ITPR2: variants seen among roughly 807,000 people sequenced by gnomAD.
ITPR2 encodes the protein inositol 1,4,5-trisphosphate receptor type 2.
In ITPR2, 207 loss-of-function variants were observed where a neutral mutation model predicts 317.1. The ratio of observed to expected loss-of-function variants is 0.65; its 90% CI spans 0.58 to 0.73. ITPR2 has a LOEUF of 0.73. Ranked by LOEUF, ITPR2 falls within the 30% of genes least tolerant of loss-of-function variation. ITPR2 has a pLI of 0.00. For synonymous variants in ITPR2, 1,156 were observed against 1,149.1 expected, an observed-to-expected ratio of 1.01 and a Z score of -0.12; for missense variants, 2,613 against 3,284.0, an observed-to-expected ratio of 0.80 and a Z score of 4.99.
At chr12:26,447,028 G>C (rs1264098994) in intron 45 of ITPR2, among the ~76,000 whole-genome samples, 1 of 151,720 alleles carries the variant, frequency 6.6e-6, no homozygotes, top group Non-Finnish European at 1.5e-5. Flanking sequence ...TTCTCATATT[G>C]TATCTGAGTA....
At chr12:26,827,251 C>A (rs1479712292) in intron 1 of ITPR2, among the ~76,000 whole-genome samples, 8 of 151,964 alleles carry the variant, frequency 5.3e-5, no homozygotes, top group Admixed American at 5.2e-4. Flanking sequence ...ACAAAGCAGG[C>A]CCCTTTGCAC....
chr12:26,387,691 A>T, intron 54 of ITPR2, 97 bp from the exon 55 acceptor site: 2 of 1,199,056 alleles, frequency 1.7e-6, no homozygotes, highest in South Asian at 1.6e-5. Flanking sequence ...TGTGAAAAAA[A>T]TGCTTTCAGT....
chr12:26,602,461 T>C lies in ITPR2; in HGVS notation c.3587A>G (p.Asn1196Ser). 1 of 1,613,740 alleles carries C rather than the reference T, an allele frequency of 6.2e-7. No homozygotes were observed. Among genetic ancestry groups the C allele is most frequent in the Non-Finnish European group, 8.5e-7 (1 of 1,179,720 alleles). ...TTGATGTTGATTCCGACACTTTTTA[T>C]TCTGCACACAGAGTTTACTTAGCCT... ...LIRLSKLCVQNKKCRNQHQRL... is the reference protein window; with the variant it reads ...LIRLSKLCVQSKKCRNQHQRL... Residue 1196 changes from asparagine to serine, a missense_variant, in exon 28 of 57, where the codon AAT becomes AGT. By Grantham distance (46) the Asn-to-Ser change is conservative. Transcript: ENST00000381340.
At chr12:26,626,710 A>T (rs552738504) in intron 23 of ITPR2, among the ~76,000 whole-genome samples, 1 of 152,380 alleles carries the variant, frequency 6.6e-6, no homozygotes, top group South Asian at 2.1e-4. Flanking sequence ...GGGACTAATG[A>T]TTCAGACAGC....
chr12:26,392,359 G>A (rs893826748), intron 54 of ITPR2, among the ~76,000 whole-genome samples: 8 of 151,882 alleles, frequency 5.3e-5, no homozygotes, highest in South Asian at 4.2e-4. Context: ...CTCATCATTC[G>A]CCAAATACAC....
chr12:26,458,726 T>C (rs1941946462), intron 45 of ITPR2, among the ~76,000 whole-genome samples: 1 of 152,208 alleles, frequency 6.6e-6, no homozygotes, highest in Non-Finnish European at 1.5e-5. Context: ...CATGAGTTTG[T>C]TTATTCCTTT....
intron 54 of ITPR2, 138 bp downstream of exon 54, chr12:26,398,738 A>C: frequency 1.5e-6 from 1 of 658,518 alleles, no homozygotes; most frequent in Non-Finnish European, 2.5e-6. Flanking sequence ...TCTAATGCTC[A>C]GTTACATAAT....
intron 47 of ITPR2, among the ~76,000 whole-genome samples, chr12:26,437,749 A>G (rs1941389150): frequency 6.6e-6 from 1 of 152,288 alleles, no homozygotes; most frequent in East Asian, 1.9e-4. Context: ...CTAGTTCAGT[A>G]TTCAATTTAT....
intron 5 of ITPR2, among the ~76,000 whole-genome samples, chr12:26,716,667 G>A (rs1948745226): frequency 6.6e-6 from 1 of 152,094 alleles, no homozygotes; most frequent in East Asian, 1.9e-4. Flanking sequence ...TTATACACTT[G>A]TATTATCTTT....
chr12:26,767,664 A>G lies in ITPR2; in HGVS notation c.163+22493T>C, dbSNP rs139692879. ...TATTTTAGATAACCAGAAACGTATT[A>G]TATACACAGTTTCACATGAAGTCTC... is the stretch of plus-strand genomic sequence containing the variant. On this transcript the variant is annotated intron_variant, in intron 2 of 56. Coordinates refer to ENST00000381340, the MANE Select transcript of ITPR2 (RefSeq NM_002223.4). Among the ~76,000 whole-genome samples, 71 of 152,366 alleles carry G rather than the reference A, an allele frequency of 4.7e-4. 1 individual carries two copies. The East Asian group carries it at 9.6e-3, about 21-fold the overall frequency.
At chr12:26,671,830 G>C (rs1338985222) in intron 13 of ITPR2, among the ~76,000 whole-genome samples, 1 of 152,124 alleles carries the variant, frequency 6.6e-6, no homozygotes, top group East Asian at 1.9e-4. Flanking sequence ...ACACACATAG[G>C]CTCAAAATAA....
At chr12:26,371,729 C>G (rs148213986) in intron 55 of ITPR2, among the ~76,000 whole-genome samples, 1 of 152,110 alleles carries the variant, frequency 6.6e-6, no homozygotes, top group Non-Finnish European at 1.5e-5. Flanking sequence ...GGGAACCGAG[C>G]CCTCTTGGTT....
chr12:26,526,208 T>C lies in ITPR2; in HGVS notation c.5073+24039A>G, dbSNP rs138182878. ...AATGTACATTTTCTGAAATTTGCTA[T>C]GAAAAAAATGAATAAATGTTGTAAT... On this transcript the variant is annotated intron_variant, in intron 37 of 56. Transcript: ENST00000381340. Among the ~76,000 whole-genome samples the C allele has an allele frequency of 7.4e-3, 1,132 of 152,254 alleles. 17 individuals carry two copies. The highest frequency in any genetic ancestry group is 0.026 in the African/African-American group (1,084 of 41,542).
rs542171973 is a variant in ITPR2 at position 26,496,240 on chromosome 12, T to A, written c.5074-980A>T. ...AAGAGCTTAAGTAATTGGCTGCAGATCATGCAGTTAACAGGTGATTGAGCA... is the reference window on the plus strand; with the variant it reads ...AAGAGCTTAAGTAATTGGCTGCAGAACATGCAGTTAACAGGTGATTGAGCA... On this transcript the variant is annotated intron_variant, in intron 37 of 56. Transcript: ENST00000381340. Among the ~76,000 whole-genome samples, 59 of 152,324 alleles carry A rather than the reference T, an allele frequency of 3.9e-4. 1 individual carries two copies. Among genetic ancestry groups the A allele is most frequent in the South Asian group, 1.7e-3 (8 of 4,820 alleles).
intron 21 of ITPR2, among the ~76,000 whole-genome samples, chr12:26,641,887 T>C (rs1401571735): frequency 6.6e-6 from 1 of 152,022 alleles, no homozygotes; most frequent in Non-Finnish European, 1.5e-5. Flanking sequence ...TAAAAGAAAG[T>C]CCAATAGTCA....
chr12:26,590,291 C>A (rs1236065551), intron 32 of ITPR2, among the ~76,000 whole-genome samples: 1 of 152,076 alleles, frequency 6.6e-6, no homozygotes, highest in African/African-American at 2.4e-5. Context: ...AGGTCACTAG[C>A]AAGAATAGTG....
At chr12:26,693,128 G>T (rs1592044250) in intron 10 of ITPR2, among the ~76,000 whole-genome samples, 1 of 152,142 alleles carries the variant, frequency 6.6e-6, no homozygotes, top group Non-Finnish European at 1.5e-5. Context: ...TCAACTGTCT[G>T]CAGTTGGATG....
chr12:26,652,236 T>C (rs951665961), intron 21 of ITPR2, among the ~76,000 whole-genome samples: 1 of 152,196 alleles, frequency 6.6e-6, no homozygotes, highest in African/African-American at 2.4e-5. Context: ...TGAATGTTTA[T>C]TTTTCTACTT....
intron 37 of ITPR2, among the ~76,000 whole-genome samples, chr12:26,514,756 C>G (rs1380967055): frequency 6.6e-6 from 1 of 151,806 alleles, no homozygotes; most frequent in Non-Finnish European, 1.5e-5. Context: ...AAATTCACAC[C>G]ATTTTCAATT....
Sources: allele counts gnomAD v4.1 joint callset (sites outside exome capture counted in the v4.1 genomes callset), GRCh38; gene constraint gnomAD v4.1.1; transcripts MANE v1.5; gene names NCBI Gene and HGNC (gene_info 2026-07-23, HGNC 2026-07-21).